ATRNL1: variants seen among roughly 807,000 people sequenced by gnomAD.
ATRNL1 encodes the protein attractin-like protein 1.
Under a neutral mutation model 182.7 loss-of-function variants are expected in ATRNL1, and 95 were observed. The observed-to-expected ratio is 0.52, with a 90% CI of 0.44 to 0.62. The LOEUF is 0.62. Ranked by LOEUF, ATRNL1 falls within the 20% of genes least tolerant of loss-of-function variation. ATRNL1 has a pLI of 0.00. For synonymous variants in ATRNL1, 576 were observed against 568.3 expected, an observed-to-expected ratio of 1.01 and a Z score of -0.19; for missense variants, 1,471 against 1,679.5, an observed-to-expected ratio of 0.88 and a Z score of 2.17.
At chr10:115,629,347 T>G (rs1157314375) in intron 26 of ATRNL1, among the ~76,000 whole-genome samples, 1 of 152,146 alleles carries the variant, frequency 6.6e-6, no homozygotes, top group Non-Finnish European at 1.5e-5. Context: ...TATAGGAGTG[T>G]AGGGGATGTA....
intron 20 of ATRNL1, among the ~76,000 whole-genome samples, chr10:115,398,034 ACT>A (rs1374506874): frequency 5.3e-5 from 8 of 151,976 alleles, no homozygotes; most frequent in African/African-American, 1.9e-4. Context: ...TTAGGTATAC[ACT>A]GTCAATAGTG....
chr10:115,827,867 G>T (rs782814036), intron 27 of ATRNL1, among the ~76,000 whole-genome samples: 1 of 152,060 alleles, frequency 6.6e-6, no homozygotes, highest in Admixed American at 6.6e-5. Flanking sequence ...GAATGTTTCC[G>T]TGGGGCTGTC....
At chr10:115,700,710 A>G (rs1354066948) in intron 26 of ATRNL1, among the ~76,000 whole-genome samples, 1 of 152,096 alleles carries the variant, frequency 6.6e-6, no homozygotes, top group Non-Finnish European at 1.5e-5. Flanking sequence ...AGGACAAAGA[A>G]GGGCATTATA....
chr10:115,675,709 T>G (rs986808396), intron 26 of ATRNL1, among the ~76,000 whole-genome samples: 16 of 152,262 alleles, frequency 1.1e-4, no homozygotes, highest in Non-Finnish European at 1.8e-4. Context: ...GTTACATACC[T>G]GGCAAGATGT....
chr10:115,261,834 C>T (rs1851405082), intron 10 of ATRNL1, among the ~76,000 whole-genome samples: 2 of 151,900 alleles, frequency 1.3e-5, no homozygotes, highest in Admixed American at 1.3e-4. Flanking sequence ...TTAATTTAGT[C>T]CAGCCTAGGC....
At chr10:115,452,382 A>G (rs782632194) in intron 21 of ATRNL1, among the ~76,000 whole-genome samples, 22 of 152,238 alleles carry the variant, frequency 1.4e-4, no homozygotes, top group Admixed American at 3.3e-4. Flanking sequence ...TTGAAAAGCT[A>G]TAAAGTTTTG....
intron 28 of ATRNL1, among the ~76,000 whole-genome samples, chr10:115,860,799 G>T (rs565230835): frequency 6.6e-6 from 1 of 152,134 alleles, no homozygotes; most frequent in East Asian, 1.9e-4. Flanking sequence ...ATTTTCTTTT[G>T]TTCTCTTTCT....
intron 26 of ATRNL1, among the ~76,000 whole-genome samples, chr10:115,634,682 A>G (rs1414978579): frequency 6.6e-6 from 1 of 152,154 alleles, no homozygotes; most frequent in Non-Finnish European, 1.5e-5. Flanking sequence ...CTTAATCTAA[A>G]ATATTTAAAA....
At chr10:115,617,081 G>A (rs1415946373) in intron 26 of ATRNL1, among the ~76,000 whole-genome samples, 5 of 152,204 alleles carry the variant, frequency 3.3e-5, no homozygotes, top group African/African-American at 7.2e-5. Context: ...AGAAGTCCAT[G>A]AGATCAATCA....
Position 115,831,948 on chromosome 10 carries a change from C to G in ATRNL1, c.3904-15929C>G, listed in dbSNP as rs1025932501. Among the ~76,000 whole-genome samples, 3 of 151,808 alleles carry G rather than the reference C, an allele frequency of 2.0e-5. No individual in the cohort carries two copies. In the East Asian group the frequency reaches 5.8e-4, roughly 29 times the overall value. ...CAAGAAAAAGAGTATAATTAAATTC[C>G]CCGACAAATAGTAATTTCATCTTAT... On this transcript the variant is annotated intron_variant, in intron 27 of 28. Transcript: ENST00000355044.
intron 26 of ATRNL1, among the ~76,000 whole-genome samples, chr10:115,588,155 C>G (rs1555010847): frequency 1.3e-5 from 2 of 152,060 alleles, no homozygotes; most frequent in Non-Finnish European, 2.9e-5. Context: ...AATGTTAAAC[C>G]TGATATGTAG....
intron 26 of ATRNL1, among the ~76,000 whole-genome samples, chr10:115,667,639 A>G (rs940284794): frequency 6.7e-6 from 1 of 150,156 alleles, no homozygotes; most frequent in Admixed American, 6.6e-5. Context: ...CCACAACATT[A>G]CATCTACTGC....
intron 25 of ATRNL1, among the ~76,000 whole-genome samples, chr10:115,533,551 C>G (rs1173938450): frequency 6.6e-6 from 1 of 152,086 alleles, no homozygotes; most frequent in African/African-American, 2.4e-5. Flanking sequence ...TTCAAAAAAC[C>G]AGCTCCTGGA....
chr10:115,628,018 G>T (rs1260967755), intron 26 of ATRNL1, among the ~76,000 whole-genome samples: 1 of 151,778 alleles, frequency 6.6e-6, no homozygotes, highest in East Asian at 1.9e-4. Flanking sequence ...ATGGTGGTGT[G>T]CACCTGTAAT....
rs182674899 is a variant in ATRNL1, at chr10:115,169,770, A to G, written c.1093-1267A>G. Among the ~76,000 whole-genome samples the G allele has an allele frequency of 1.8e-3, 280 of 152,270 alleles. 1 individual carries two copies. Among genetic ancestry groups the G allele is most frequent in the Admixed American group, 0.017 (256 of 15,286 alleles). On this transcript the variant is annotated intron_variant, in intron 7 of 28. Transcript: ENST00000355044. ...CAATGTTAAGTCTTCAGACTCATAA[A>G]CATGGGATGTCTTTTCATTTATTTA...
At chr10:115,747,923 T>G (rs1555069618) in intron 27 of ATRNL1, among the ~76,000 whole-genome samples, 2 of 152,054 alleles carry the variant, frequency 1.3e-5, no homozygotes, top group African/African-American at 4.8e-5. Flanking sequence ...TGGCCTTCTT[T>G]CATAAGGACA....
At chr10:115,467,140 C>T (rs138824865) in intron 22 of ATRNL1, 34 bp from the exon 23 acceptor site, 5 of 1,277,028 alleles carry the variant, frequency 3.9e-6, no homozygotes, top group Non-Finnish European at 5.7e-6. Context: ...GTGTAATTTT[C>T]GTTTTTTAAC....
intron 19 of ATRNL1, among the ~76,000 whole-genome samples, chr10:115,360,284 A>G (rs947525853): frequency 6.6e-6 from 1 of 151,648 alleles, no homozygotes; most frequent in Non-Finnish European, 1.5e-5. Flanking sequence ...TTCTAAGTGT[A>G]GAAATGTTTA....
chr10:115,783,881 C>T (rs181909660), intron 27 of ATRNL1, among the ~76,000 whole-genome samples: 1,699 of 152,162 alleles, frequency 0.011, 37 homozygotes, highest in African/African-American at 0.039. Context: ...GGCGTGGTGG[C>T]GGGCGCCTGT....
Sources: allele counts gnomAD v4.1 joint callset (sites outside exome capture counted in the v4.1 genomes callset), GRCh38; gene constraint gnomAD v4.1.1; transcripts MANE v1.5; gene names NCBI Gene and HGNC (gene_info 2026-07-23, HGNC 2026-07-21).